The following MAGI3 variants were observed in gnomAD, a reference collection of about 807,000 sequenced individuals.
MAGI3 encodes membrane-associated guanylate kinase, WW and PDZ domain-containing protein 3.
Under a neutral mutation model 121.8 loss-of-function variants are expected in MAGI3, and 43 were observed. That is an observed-to-expected ratio of 0.35 (90% confidence interval 0.28 to 0.46). The LOEUF (loss-of-function observed/expected upper bound fraction) is 0.46, where lower values mean the gene tolerates loss of function less well. Among genes scored for constraint, MAGI3 ranks in the 20% least tolerant of loss-of-function variants. The probability of loss-of-function intolerance (pLI) is 1.00; values close to 1 mark genes in which losing one functional copy is unlikely to be tolerated. For missense variants in MAGI3, 1,547 were observed against 1,797.3 expected, an observed-to-expected ratio of 0.86 and a Z score of 2.52; for synonymous variants, 553 against 639.3, an observed-to-expected ratio of 0.86 and a Z score of 2.04.
intron 1 of MAGI3, among the ~76,000 whole-genome samples, chr1:113,453,005 A>G (rs1195590458): frequency 6.6e-6 from 1 of 152,148 alleles, no homozygotes; most frequent in Non-Finnish European, 1.5e-5. Flanking sequence ...CAAAAGTCAG[A>G]CCCTTATAAG....
At chr1:113,534,594 C>G (rs1658879213) in intron 1 of MAGI3, among the ~76,000 whole-genome samples, 1 of 152,148 alleles carries the variant, frequency 6.6e-6, no homozygotes, top group Non-Finnish European at 1.5e-5. Context: ...GTACATGCTT[C>G]TTAACTGGCT....
At chr1:113,505,065 A>G (rs946387467) in intron 1 of MAGI3, among the ~76,000 whole-genome samples, 1 of 152,110 alleles carries the variant, frequency 6.6e-6, no homozygotes, top group Admixed American at 6.5e-5. Flanking sequence ...AGCAAAAGAG[A>G]AGAATTCATA....
intron 1 of MAGI3, among the ~76,000 whole-genome samples, chr1:113,465,061 A>G (rs963857321): frequency 6.6e-6 from 1 of 152,022 alleles, no homozygotes; most frequent in African/African-American, 2.4e-5. Context: ...TACACAGAAA[A>G]TCTTGGCCCA....
At chr1:113,566,986 T>A (rs1660457869) in intron 2 of MAGI3, among the ~76,000 whole-genome samples, 3 of 145,794 alleles carry the variant, frequency 2.1e-5, no homozygotes, top group South Asian at 2.1e-4. Flanking sequence ...AAGAAAAAAA[T>A]CAACCAAACC....
chr1:113,552,328 G>A (rs943737522), intron 2 of MAGI3, among the ~76,000 whole-genome samples: 2 of 152,082 alleles, frequency 1.3e-5, no homozygotes, highest in African/African-American at 4.8e-5. Context: ...TGTTTGGATG[G>A]ATATAAAATT....
At chr1:113,400,371 C>T (rs116396510) in intron 1 of MAGI3, among the ~76,000 whole-genome samples, 20 of 152,192 alleles carry the variant, frequency 1.3e-4, no homozygotes, top group Non-Finnish European at 2.4e-4. Flanking sequence ...TGCCAAGTGT[C>T]ATCTGGTAGT....
chr1:113,558,935 T>C (rs569361676), intron 2 of MAGI3, among the ~76,000 whole-genome samples: 1 of 152,272 alleles, frequency 6.6e-6, no homozygotes, highest in African/African-American at 2.4e-5. Context: ...CAGAATTTCA[T>C]ATCTGGCCAA....
chr1:113,580,810 T>C, intron 3 of MAGI3, 149 bp downstream of exon 3: 1 of 547,726 alleles, frequency 1.8e-6, no homozygotes, highest in Admixed American at 4.0e-5. Context: ...ATGGGGAGAT[T>C]TGTAATTTAT....
At chr1:113,682,358 AATG>A in intron 20 of MAGI3, 1 of 1,552,840 alleles carries the variant, frequency 6.4e-7, no homozygotes, top group Middle Eastern at 1.7e-4. Context: ...TTAAATTAAA[AATG>A]ATGCTATTAA....
chr1:113,424,430 C>CA lies in MAGI3; in HGVS notation c.316+33082dup, dbSNP rs1384980659. 3.9e-5 allele frequency among the ~76,000 whole-genome samples: 6 copies of CA among 152,178 alleles called. No individual in the cohort carries two copies. In the South Asian group the frequency reaches 1.0e-3, roughly 26 times the overall value. On this transcript the variant is annotated intron_variant, in intron 1 of 20. Transcript: ENST00000307546. ...TCTTTGCCACCCCTCCTTCCTACCC[C>CA]ACATCCAGGAAGAATGACATTATGT... is the stretch of plus-strand genomic sequence containing the variant.
chr1:113,619,648 TATG>T, intron 7 of MAGI3, 85 bp from the exon 8 acceptor site: 2 of 882,512 alleles, frequency 2.3e-6, no homozygotes, highest in Non-Finnish European at 3.7e-6. Context: ...TCCCCTAATC[TATG>T]ATGATGGAAT....
intron 1 of MAGI3, among the ~76,000 whole-genome samples, chr1:113,546,497 C>T (rs1316899202): frequency 1.3e-5 from 2 of 151,990 alleles, no homozygotes; most frequent in Non-Finnish European, 2.9e-5. Flanking sequence ...CCACCACACC[C>T]TGCTAATTTT....
intron 1 of MAGI3, among the ~76,000 whole-genome samples, chr1:113,505,151 C>G (rs1657253328): frequency 6.6e-6 from 1 of 151,944 alleles, no homozygotes; most frequent in African/African-American, 2.4e-5. Flanking sequence ...TAGGCCCATA[C>G]CAGGTAATTA....
rs979627877 is a variant in MAGI3, at chr1:113,670,367, A to G, written c.2816-1367A>G. 2.0e-5 allele frequency among the ~76,000 whole-genome samples: 3 copies of G among 152,336 alleles called. No individual in the cohort carries two copies. In the South Asian group the frequency reaches 6.2e-4, roughly 32 times the overall value. Reference sequence around the variant, plus strand: ...TCTCACAGCACTTTGGAAAGTAACAACTTAACCCAAGCAATAAAATAGTGA... The same window carrying G: ...TCTCACAGCACTTTGGAAAGTAACAGCTTAACCCAAGCAATAAAATAGTGA... On this transcript the variant is annotated intron_variant, in intron 16 of 20. Transcript: ENST00000307546.
At chr1:113,448,880 G>C (rs1654314030) in intron 1 of MAGI3, among the ~76,000 whole-genome samples, 1 of 152,162 alleles carries the variant, frequency 6.6e-6, no homozygotes, top group Admixed American at 6.5e-5. Flanking sequence ...AGCACTTTGA[G>C]AGGCGAGGTG....
intron 1 of MAGI3, among the ~76,000 whole-genome samples, chr1:113,409,516 AC>A (rs1651862680): frequency 6.6e-6 from 1 of 151,872 alleles, no homozygotes; most frequent in Non-Finnish European, 1.5e-5. Flanking sequence ...GGTGGTGCAT[AC>A]TTGTGGTTTC....
chr1:113,683,466 G>A lies in MAGI3; in HGVS notation c.3898G>A (p.Ala1300Thr). 2.5e-6 allele frequency: 4 copies of A among 1,613,934 alleles called. No individual in the cohort carries two copies. The highest frequency in any genetic ancestry group is 3.4e-6 in the Non-Finnish European group (4 of 1,179,888). The change falls in exon 21 of 21, where the codon GCT (alanine) becomes ACT (threonine). Residue 1300 changes from alanine to threonine, a missense_variant. Ala to Thr is a moderately conservative substitution (Grantham distance 58). Coordinates refer to ENST00000307546, the MANE Select transcript of MAGI3 (RefSeq NM_001142782.2). ...GCAGCAAAAAATTGAAGGAAGCAAAGCTCCATCAAATGCTGAGGCCAAATT... is the reference window on the plus strand; with the variant it reads ...GCAGCAAAAAATTGAAGGAAGCAAAACTCCATCAAATGCTGAGGCCAAATT... ...KKQQKIEGSK[A>T]PSNAEAKLLE...
intron 3 of MAGI3, 37 bp downstream of exon 3, chr1:113,580,698 C>G: frequency 6.5e-7 from 1 of 1,537,330 alleles, no homozygotes. Context: ...ACCCAAAAAA[C>G]TATCTGAACG....
At chr1:113,429,829 C>G (rs1653210724) in intron 1 of MAGI3, among the ~76,000 whole-genome samples, 1 of 152,088 alleles carries the variant, frequency 6.6e-6, no homozygotes, top group Non-Finnish European at 1.5e-5. Context: ...GTAGGGTGTT[C>G]CTTTTAATTC....
Sources: allele counts gnomAD v4.1 joint callset (sites outside exome capture counted in the v4.1 genomes callset), GRCh38; gene constraint gnomAD v4.1.1; transcripts MANE v1.5; gene names NCBI Gene and HGNC (gene_info 2026-07-23, HGNC 2026-07-21).